Variants in INTS9 observed in about 807,000 individuals in gnomAD.
INTS9 encodes protein related to CPSF subunits of 74 kDa.
In INTS9, 55 loss-of-function variants were observed where a neutral mutation model predicts 79.7. The observed-to-expected ratio is 0.69, with a 90% CI of 0.56 to 0.86. The LOEUF (loss-of-function observed/expected upper bound fraction) is 0.86. Ranked by LOEUF, INTS9 falls within the 40% of genes least tolerant of loss-of-function variation. INTS9 has a pLI of 0.00. For synonymous variants in INTS9, 319 were observed against 325.2 expected (o/e 0.98, Z 0.20); for missense variants, 721 against 831.5 (o/e 0.87, Z 1.64).
At position 28,880,679 on chromosome 8, in the gene INTS9, C is replaced by CCGTCTGGGAAGTGAGGAG; in HGVS notation, c.9+9177_9+9194dup. 5.4e-5 allele frequency among the ~76,000 whole-genome samples: 8 copies of CCGTCTGGGAAGTGAGGAG among 147,182 alleles called. No homozygotes were observed. In the South Asian group the frequency reaches 1.8e-3, roughly 33 times the overall value. On this transcript the variant is annotated intron_variant, in intron 1 of 16. Coordinates refer to ENST00000521022, the MANE Select transcript of INTS9 (RefSeq NM_018250.4). Reference sequence around the variant, plus strand: ...TTGCAGCCTCTGCCCGGCCGCCACCCCGTCTGGGAAGTGAGGAGCGTCTCT... The same window carrying CCGTCTGGGAAGTGAGGAG: ...TTGCAGCCTCTGCCCGGCCGCCACCCCGTCTGGGAAGTGAGGAGCGTCTGGGAAGTGAGGAGCGTCTCT...
chr8:28,880,600 G>A (rs1269201250), intron 1 of INTS9, among the ~76,000 whole-genome samples: 2 of 150,598 alleles, frequency 1.3e-5, no homozygotes, highest in Non-Finnish European at 3.0e-5. Flanking sequence ...GCGTGATCTC[G>A]GCTCGCTACA....
chr8:28,814,358 CAAAG>C (rs1345333438), intron 6 of INTS9, among the ~76,000 whole-genome samples: 3 of 149,132 alleles, frequency 2.0e-5, no homozygotes, highest in Non-Finnish European at 3.0e-5. Context: ...ACCCTTAAGA[CAAAG>C]AGAATGAGAG....
rs775139075 is a variant in INTS9, at chr8:28,859,555, C to A, written c.18G>T (p.Leu6=). 6.2e-7 allele frequency: 1 copy of A among 1,613,920 alleles called. No homozygotes were observed. Among genetic ancestry groups the A allele is most frequent in the Non-Finnish European group, 8.5e-7 (1 of 1,179,978 alleles). Residue 6 remains leucine, a synonymous_variant, in exon 2 of 17, where the codon CTG becomes CTT. Transcript: ENST00000521022. The part of the protein sequence containing the change: MKLYC[L]SGHPTLPCNV... ...TGCATGGTAAGGTTGGGTGCCCTGA[C>A]AGGCAATACTGAAAAAAATTAAATC...
intron 1 of INTS9, among the ~76,000 whole-genome samples, chr8:28,860,074 G>A (rs926230753): frequency 2.0e-5 from 3 of 152,220 alleles, no homozygotes; most frequent in Non-Finnish European, 4.4e-5. Context: ...AGTCTTGTCA[G>A]AAGAAATGAC....
Position 28,775,860 on chromosome 8 carries a change from G to A in INTS9, c.1462C>T (p.Leu488Phe). ...PPPAQSHRMD[L>F]MIDCQPPAMS... ...GCGGGGGGCTGGCAGTCGATCATGA[G>A]GTCCATCCTGTGGGACTGGGCTGGG... Residue 488 changes from leucine to phenylalanine, a missense_variant, in exon 14 of 17, where the codon CTC becomes TTC. Physicochemically the swap from Leu to Phe is conservative, Grantham distance 22. Coordinates refer to ENST00000521022, the MANE Select transcript of INTS9 (RefSeq NM_018250.4). 6.2e-7 allele frequency: 1 copy of A among 1,612,918 alleles called. No individual in the cohort carries two copies. The highest frequency in any genetic ancestry group is 8.5e-7 in the Non-Finnish European group (1 of 1,179,416).
Position 28,787,154 on chromosome 8 carries a change from TCATAATATACC to T in INTS9, c.1098+664_1098+674del, listed in dbSNP as rs370013422. 6.7e-3 allele frequency among the ~76,000 whole-genome samples: 1,022 copies of T among 152,318 alleles called. 9 individuals carry two copies. The highest frequency in any genetic ancestry group is 0.023 in the African/African-American group (972 of 41,562). On this transcript the variant is annotated intron_variant, in intron 11 of 16. Coordinates refer to ENST00000521022, the MANE Select transcript of INTS9 (RefSeq NM_018250.4). The stretch of plus-strand genomic sequence containing the variant: ...AATAACATGAGACGCAGAAAAACGT[TCATAATATACC>T]CTTGGGTGAAAAGAACCTGACAACA...
At chr8:28,782,022 G>A (rs1803297797) in intron 11 of INTS9, among the ~76,000 whole-genome samples, 1 of 152,292 alleles carries the variant, frequency 6.6e-6, no homozygotes, top group South Asian at 2.1e-4. Context: ...GCGTGTGTGG[G>A]GCAGGGGCAT....
intron 1 of INTS9, among the ~76,000 whole-genome samples, chr8:28,881,952 T>A (rs1208531454): frequency 6.9e-6 from 1 of 144,006 alleles, no homozygotes; most frequent in Non-Finnish European, 1.5e-5. Flanking sequence ...GTCTGGGAGG[T>A]GTGCCCAGCG....
At chr8:28,812,556 T>G in intron 7 of INTS9, 95 bp from the exon 8 acceptor site, 1 of 1,361,868 alleles carries the variant, frequency 7.3e-7, no homozygotes, top group Non-Finnish European at 1.0e-6. Context: ...TATCCTCAGT[T>G]TAAAAACAAA....
intron 1 of INTS9, among the ~76,000 whole-genome samples, chr8:28,886,332 C>T (rs1810174167): frequency 6.6e-6 from 1 of 152,180 alleles, no homozygotes; most frequent in African/African-American, 2.4e-5. Context: ...ACTCCAGCCT[C>T]AACCTTCTAG....
At chr8:28,880,064 TA>T (rs1263161869) in intron 1 of INTS9, among the ~76,000 whole-genome samples, 5 of 151,718 alleles carry the variant, frequency 3.3e-5, no homozygotes, top group African/African-American at 1.2e-4. Flanking sequence ...TTAAACAATG[TA>T]AAAAAAGGTA....
chr8:28,840,990 A>G (rs1311692183), intron 4 of INTS9, among the ~76,000 whole-genome samples: 1 of 152,042 alleles, frequency 6.6e-6, no homozygotes, highest in African/African-American at 2.4e-5. Context: ...ATGATGTGAC[A>G]TAAGCAGATG....
chr8:28,806,843 G>C (rs147304762), intron 8 of INTS9, among the ~76,000 whole-genome samples: 1 of 152,070 alleles, frequency 6.6e-6, no homozygotes, highest in Admixed American at 6.6e-5. Flanking sequence ...ACAAAGCACT[G>C]AGTATCAAAA....
At chr8:28,793,676 CACAG>C in intron 10 of INTS9, 127 bp downstream of exon 10, 1 of 896,576 alleles carries the variant, frequency 1.1e-6, no homozygotes, top group Non-Finnish European at 1.6e-6. Context: ...GCAATCTTAT[CACAG>C]ACAGAAAAAC....
intron 4 of INTS9, among the ~76,000 whole-genome samples, chr8:28,844,840 A>T (rs1807412130): frequency 6.6e-6 from 1 of 152,230 alleles, no homozygotes; most frequent in African/African-American, 2.4e-5. Context: ...TCTTTTTATA[A>T]TAAATTTGTG....
intron 8 of INTS9, among the ~76,000 whole-genome samples, chr8:28,803,079 C>T (rs1433115877): frequency 6.6e-6 from 1 of 152,050 alleles, no homozygotes; most frequent in African/African-American, 2.4e-5. Context: ...TGCCACTGCA[C>T]TCCAACCTGG....
chr8:28,849,706 C>T (rs1359516374), intron 3 of INTS9, among the ~76,000 whole-genome samples: 1 of 152,162 alleles, frequency 6.6e-6, no homozygotes, highest in East Asian at 1.9e-4. Flanking sequence ...GACAATGCCA[C>T]TGTCCTTCTG....
At chr8:28,889,721 C>T (rs1810508324) in intron 1 of INTS9, 153 bp downstream of exon 1, 1 of 766,320 alleles carries the variant, frequency 1.3e-6, no homozygotes, top group South Asian at 1.9e-5. Context: ...ACCTTCTCAA[C>T]AACAAAAAGC....
Position 28,859,505 on chromosome 8 carries a change from G to C in INTS9, c.68C>G (p.Thr23Ser). 6.2e-7 allele frequency: 1 copy of C among 1,614,154 alleles called. No individual in the cohort carries two copies. Among genetic ancestry groups the C allele is most frequent in the Non-Finnish European group, 8.5e-7 (1 of 1,179,992 alleles). The stretch of plus-strand genomic sequence containing the variant: ...GTCCAGTCCGCAGTCCAACATAATG[G>C]TGGTTGATTTGAATTTGAGCACATT... ...PCNVLKFKST[T>S]IMLDCGLDMT... Residue 23 changes from threonine (T) to serine (S), a missense_variant, in exon 2 of 17, where the codon ACC (threonine) becomes AGC (serine). By Grantham distance (58) the Thr-to-Ser change is moderately conservative. Transcript: ENST00000521022.
Sources: allele counts gnomAD v4.1 joint callset (sites outside exome capture counted in the v4.1 genomes callset), GRCh38; gene constraint gnomAD v4.1.1; transcripts MANE v1.5; gene names NCBI Gene and HGNC (gene_info 2026-07-23, HGNC 2026-07-21).